The following NRL variants were observed in gnomAD, a reference collection of about 807,000 sequenced individuals.
NRL encodes neural retina leucine zipper.
Under a neutral mutation model 12.5 loss-of-function variants are expected in NRL, and 16 were observed. That is an observed-to-expected ratio of 1.28 (90% CI 0.87 to 1.95). NRL has a LOEUF of 1.95. Among genes scored for constraint, NRL ranks in the 30% most tolerant of loss-of-function variants. NRL has a pLI of 0.00. For missense variants in NRL, 314 were observed against 325.8 expected (o/e 0.96, Z 0.28); for synonymous variants, 142 against 150.9 (o/e 0.94, Z 0.43).
chr14:24,100,573 ATT>A, intron 1 of NRL: 1 of 1,057,200 alleles, frequency 9.5e-7, no homozygotes, highest in Non-Finnish European at 1.2e-6. Context: ...TACAGGCTGG[ATT>A]TTTTTTTAAT....
At chr14:24,104,678 A>C (rs1311757085) in intron 1 of NRL, among the ~76,000 whole-genome samples, 22 of 151,686 alleles carry the variant, frequency 1.5e-4, no homozygotes, top group Admixed American at 1.4e-3. Context: ...CAAAAAAAAA[A>C]CTGAGGGCCT....
Position 24,099,132 on chromosome 14 carries a change from G to T in NRL, c.-28+15590C>A, listed in dbSNP as rs201974284. On this transcript the variant is annotated intron_variant, in intron 1 of 2. Transcript: ENST00000561028. Reference sequence around the variant, plus strand: ...CGACCAGCGGGAGATCATCTCCTTCGGCAGCGGCTATGGTGGCAACTCCCT... The same window carrying T: ...CGACCAGCGGGAGATCATCTCCTTCTGCAGCGGCTATGGTGGCAACTCCCT... 11 of 1,612,224 alleles carry T rather than the reference G, an allele frequency of 6.8e-6. No homozygotes were observed. The highest frequency in any genetic ancestry group is 1.3e-5 in the African/African-American group (1 of 75,068).
chr14:24,087,987 C>T (rs2036506338), intron 1 of NRL, among the ~76,000 whole-genome samples: 1 of 151,942 alleles, frequency 6.6e-6, no homozygotes, highest in South Asian at 2.1e-4. Context: ...ATGATGGTGC[C>T]ACTGCACTCT....
intron 1 of NRL, chr14:24,114,256 A>T (rs935910383): frequency 1.3e-5 from 2 of 152,234 alleles, no homozygotes; most frequent in African/African-American, 2.4e-5. Context: ...GGATTGTCTT[A>T]AAAAATTGTC....
intron 1 of NRL, among the ~76,000 whole-genome samples, chr14:24,111,366 T>C (rs1408664257): frequency 6.6e-6 from 1 of 151,932 alleles, no homozygotes; most frequent in African/African-American, 2.4e-5. Context: ...TTTTGTTTGG[T>C]TGGTTGATTG....
At chr14:24,088,465 G>C (rs935981708) in intron 1 of NRL, among the ~76,000 whole-genome samples, 5 of 152,220 alleles carry the variant, frequency 3.3e-5, no homozygotes, top group African/African-American at 1.2e-4. Context: ...GCCCAGCTGA[G>C]GGCCAGTGGC....
intron 1 of NRL, among the ~76,000 whole-genome samples, chr14:24,113,821 C>T (rs952344929): frequency 2.0e-5 from 3 of 152,268 alleles, no homozygotes; most frequent in East Asian, 3.8e-4. Context: ...CGAGCCCTCG[C>T]TCCCATCCCT....
rs577848298 is a variant in NRL, at chr14:24,093,843, C to T, written c.-27-10968G>A. On this transcript the variant is annotated intron_variant, in intron 1 of 2. Transcript: ENST00000561028. The stretch of plus-strand genomic sequence containing the variant: ...GAGTTGGGGACTAAGTGGACCTTAG[C>T]ATTGGGCACTTGGACTACAGAAAGG... Among the ~76,000 whole-genome samples, 64 of 152,240 alleles carry T rather than the reference C, an allele frequency of 4.2e-4. 1 individual carries two copies. The highest frequency in any genetic ancestry group is 1.5e-3 in the African/African-American group (62 of 41,540).
chr14:24,113,640 C>T (rs1289035449), intron 1 of NRL, among the ~76,000 whole-genome samples: 1 of 152,226 alleles, frequency 6.6e-6, no homozygotes, highest in Non-Finnish European at 1.5e-5. Flanking sequence ...AGACCGTTAA[C>T]ACTAGAACAT....
In NRL at chr14:24,103,833, C is replaced by T; in HGVS notation, c.-28+10889G>A. On this transcript the variant is annotated intron_variant, in intron 1 of 2. Transcript: ENST00000561028. Reference sequence around the variant, plus strand: ...TATAGACACCACTCAGCTGTTCTCCCTCCCCAAGGACTTCTGGGAACAGGA... The same window carrying T: ...TATAGACACCACTCAGCTGTTCTCCTTCCCCAAGGACTTCTGGGAACAGGA... The T allele has an allele frequency of 6.2e-7, 1 of 1,614,128 alleles. No homozygotes were observed.
intron 1 of NRL, chr14:24,099,235 TG>T (rs755561911): frequency 6.3e-7 from 1 of 1,591,544 alleles, no homozygotes; most frequent in Non-Finnish European, 8.5e-7. Context: ...GAGCACATGC[TG>T]GTGAGGGCCT....
chr14:24,104,436 G>A (rs1046250977), intron 1 of NRL, among the ~76,000 whole-genome samples: 5 of 151,212 alleles, frequency 3.3e-5, no homozygotes, highest in African/African-American at 9.7e-5. Context: ...GAGACCATCC[G>A]GGCTAACACG....
At chr14:24,092,650 G>A (rs1420157400) in intron 1 of NRL, among the ~76,000 whole-genome samples, 1 of 152,208 alleles carries the variant, frequency 6.6e-6, no homozygotes, top group African/African-American at 2.4e-5. Flanking sequence ...GTAGGCTAGA[G>A]CCTGAGGGGG....
intron 1 of NRL, chr14:24,099,697 C>T (rs1249597280): frequency 1.2e-6 from 2 of 1,614,040 alleles, no homozygotes; most frequent in Non-Finnish European, 1.7e-6. Flanking sequence ...GATGATATTG[C>T]TTGGATGAGG....
Position 24,099,089 on chromosome 14 carries a change from C to G in NRL, c.-28+15633G>C, listed in dbSNP as rs771409721. Reference sequence around the variant, plus strand: ...AGTGGCCGTGCAACCCAGAGAAAACCCTGATTGGCCACGTGCCCGACCAGC... The same window carrying G: ...AGTGGCCGTGCAACCCAGAGAAAACGCTGATTGGCCACGTGCCCGACCAGC... On this transcript the variant is annotated intron_variant, in intron 1 of 2. Transcript: ENST00000561028. 3.1e-6 allele frequency: 5 copies of G among 1,610,914 alleles called. No homozygotes were observed. In the East Asian group the frequency reaches 8.9e-5, roughly 29 times the overall value.
chr14:24,080,978 T>C lies in NRL; in HGVS notation c.*258A>G, dbSNP rs1478735278. 1 of 369,078 alleles carries C rather than the reference T, an allele frequency of 2.7e-6. No homozygotes were observed. Among genetic ancestry groups the C allele is most frequent in the Admixed American group, 4.7e-5 (1 of 21,294 alleles). The allele number at this position is 369,078 out of a possible 1,614,324, so 22.9% of individuals were successfully genotyped here. A position where few individuals can be genotyped will look rare whatever the true frequency, so the allele number is the denominator to read the frequency against. ...CCCCCCAGTGCCTGGCACTGGTCCC[T>C]GCAGAGCTCAGCGTGCTAGTCATGT... On this transcript the variant is annotated 3_prime_UTR_variant, in exon 3 of 3. Transcript: ENST00000561028.
intron 2 of NRL, chr14:24,082,156 C>T: frequency 1.3e-6 from 1 of 789,906 alleles, no homozygotes; most frequent in Non-Finnish European, 1.5e-6. Context: ...CTGGTTTCCA[C>T]ACACCATGTA....
At chr14:24,100,432 C>A in intron 1 of NRL, 2 of 1,049,034 alleles carry the variant, frequency 1.9e-6, no homozygotes, top group Non-Finnish European at 2.6e-6. Flanking sequence ...CTTCCCTAAG[C>A]TTTAGTTTCC....
At chr14:24,100,594 A>C in intron 1 of NRL, 1 of 1,081,532 alleles carries the variant, frequency 9.2e-7, no homozygotes, top group Non-Finnish European at 1.1e-6. Context: ...ATGAAAGGAA[A>C]AGGAAGGACT....
Sources: allele counts gnomAD v4.1 joint callset (sites outside exome capture counted in the v4.1 genomes callset), GRCh38; gene constraint gnomAD v4.1.1; transcripts MANE v1.5; gene names NCBI Gene and HGNC (gene_info 2026-07-23, HGNC 2026-07-21).